The following POLR3A variants were observed in gnomAD, a reference collection of about 807,000 sequenced individuals.
POLR3A encodes the protein DNA-directed RNA polymerase III subunit RPC1.
POLR3A carries 112 observed loss-of-function variants against 152.8 expected under a neutral mutation model. The observed-to-expected ratio is 0.73, with a 90% CI of 0.63 to 0.86. The LOEUF (loss-of-function observed/expected upper bound fraction) is 0.86. Ranked by LOEUF, POLR3A falls within the 40% of genes least tolerant of loss-of-function variation. The pLI is 0.00. For synonymous variants in POLR3A, 615 were observed against 652.1 expected (o/e 0.94, Z 0.87); for missense variants, 1,385 against 1,743.1 (o/e 0.79, Z 3.66).
chr10:78,006,702 C>T (rs1042160476), intron 15 of POLR3A, among the ~76,000 whole-genome samples: 1 of 151,974 alleles, frequency 6.6e-6, no homozygotes, highest in Non-Finnish European at 1.5e-5. Flanking sequence ...CACACAGCTG[C>T]AGATTAAATG....
rs144892779 is a variant in POLR3A, at chr10:78,019,224, T to C, written c.1227A>G (p.Gln409=). Residue 409 remains glutamine (Q), a synonymous_variant, in exon 9 of 31, where the codon CAA becomes CAG. Transcript: ENST00000372371. ...ANINFLRKLV[Q]NGPEVHPGAN... The stretch of plus-strand genomic sequence containing the variant: ...CTCCTGGGTGAACCTCAGGGCCGTT[T>C]TGAACCAGTTTCCTCAAGAAATTGA... 1.9e-4 allele frequency: 312 copies of C among 1,614,094 alleles called. No homozygotes were observed. The African/African-American group carries it at 3.9e-3, about 20-fold the overall frequency.
At chr10:78,024,507 G>A (rs1190477345) in intron 5 of POLR3A, 42 bp downstream of exon 5, 1 of 1,606,356 alleles carries the variant, frequency 6.2e-7, no homozygotes, top group South Asian at 1.1e-5. Context: ...GAAGAGGCAG[G>A]CGGGAGGCAG....
chr10:77,985,154 A>G lies in POLR3A; in HGVS notation c.3242+16T>C. ...GACAGGCATGTGTGGAACAAGAAGGAAATGAAAGCAGGCACCTGATGGCCT... is the reference window on the plus strand; with the variant it reads ...GACAGGCATGTGTGGAACAAGAAGGGAATGAAAGCAGGCACCTGATGGCCT... On this transcript the variant is annotated intron_variant, in intron 24 of 30. Transcript: ENST00000372371. 6.2e-7 allele frequency: 1 copy of G among 1,607,808 alleles called. No homozygotes were observed. The highest frequency in any genetic ancestry group is 8.5e-7 in the Non-Finnish European group (1 of 1,174,186).
chr10:78,016,152 G>C (rs1056723290), intron 10 of POLR3A, among the ~76,000 whole-genome samples: 1 of 152,130 alleles, frequency 6.6e-6, no homozygotes. Flanking sequence ...AAAAGGAACT[G>C]CTGCTGTTGC....
rs150484386 is a variant in POLR3A, at chr10:77,982,771, C to T, written c.3476G>A (p.Arg1159His). The T allele has an allele frequency of 1.2e-4, 195 of 1,614,046 alleles. No homozygotes were observed. Among genetic ancestry groups the T allele is most frequent in the Admixed American group, 9.0e-4 (54 of 60,010 alleles). Residue 1159 changes from arginine to histidine, a missense_variant, in exon 27 of 31, where the codon CGT (arginine) becomes CAT (histidine). This residue lies in a region of POLR3A where 332 missense variants were observed against 400.1 expected (regional missense o/e 0.83). Transcript: ENST00000372371. ...VRYSICTSKL[R>H]VKPGDVAVHG... ...AACAGCCACATCACCGGGCTTCACA[C>T]GGAGCTTGGATGTGCAGATGGAATA... is the stretch of plus-strand genomic sequence containing the variant.
intron 21 of POLR3A, among the ~76,000 whole-genome samples, chr10:77,990,514 G>C (rs888340217): frequency 6.6e-6 from 1 of 151,974 alleles, no homozygotes; most frequent in Non-Finnish European, 1.5e-5. Flanking sequence ...TTCTAATAGG[G>C]AAATGGCTTG....
At chr10:78,016,410 T>TAAAAAAAAA (rs548574588) in intron 10 of POLR3A, among the ~76,000 whole-genome samples, 1 of 92,098 alleles carries the variant, frequency 1.1e-5, no homozygotes, top group Non-Finnish European at 2.2e-5. Context: ...CTCCACTTAT[T>TAAAAAAAAA]AAAAAAAAAA....
At chr10:78,005,758 C>T (rs1001637316) in intron 15 of POLR3A, among the ~76,000 whole-genome samples, 3 of 152,074 alleles carry the variant, frequency 2.0e-5, no homozygotes, top group African/African-American at 4.8e-5. Context: ...TCGCTCCCAG[C>T]GAAATGGAAT....
At position 77,999,554 on chromosome 10, in the gene POLR3A, C is replaced by T. The variant is rs112341794; in HGVS notation, c.2616+427G>A. 3.9e-5 allele frequency among the ~76,000 whole-genome samples: 6 copies of T among 152,220 alleles called. 1 individual carries two copies. The highest frequency in any genetic ancestry group is 1.4e-4 in the African/African-American group (6 of 41,536). On this transcript the variant is annotated intron_variant, in intron 19 of 30. Transcript: ENST00000372371. ...ATGCTTTCCTTCTAAGCATCCAAGC[C>T]CCGCAGCAAGCACTGGAATAGGTCA...
Position 77,977,334 on chromosome 10 carries a change from C to G in POLR3A, c.*144G>C, listed in dbSNP as rs1847098529. 1.2e-6 allele frequency: 1 copy of G among 829,020 alleles called. No homozygotes were observed. The highest frequency in any genetic ancestry group is 1.7e-5 in the African/African-American group (1 of 59,676). 51.4% of individuals were successfully genotyped at this position (829,020 alleles called of 1,614,324 possible). A position where few individuals can be genotyped will look rare whatever the true frequency, so the allele number is the denominator to read the frequency against. On this transcript the variant is annotated 3_prime_UTR_variant, in exon 31 of 31. Coordinates refer to ENST00000372371, the MANE Select transcript of POLR3A (RefSeq NM_007055.4). Reference sequence around the variant, plus strand: ...CACCCTATCAGAGGAGAAGCTGCTCCTGGGGATGCCAAGAGGGCTTCTCTG... The same window carrying G: ...CACCCTATCAGAGGAGAAGCTGCTCGTGGGGATGCCAAGAGGGCTTCTCTG...
Position 78,001,106 on chromosome 10 carries a change from G to A in POLR3A, c.2360-12C>T, listed in dbSNP as rs776793649. On this transcript the variant is annotated splice_polypyrimidine_tract_variant and intron_variant, in intron 17 of 30. Coordinates refer to ENST00000372371, the MANE Select transcript of POLR3A (RefSeq NM_007055.4). ...GTTAATGAAGGAACCTGGGGACATGGACCAGAAATGTAACATTCATTTACC... is the reference window on the plus strand; with the variant it reads ...GTTAATGAAGGAACCTGGGGACATGAACCAGAAATGTAACATTCATTTACC... The A allele has an allele frequency of 5.1e-6, 7 of 1,365,126 alleles. No individual in the cohort carries two copies. Among genetic ancestry groups the A allele is most frequent in the Non-Finnish European group, 7.3e-6 (7 of 954,222 alleles). 84.6% of individuals were successfully genotyped at this position (1,365,126 alleles called of 1,614,324 possible). A position where few individuals can be genotyped will look rare whatever the true frequency, so the allele number is the denominator to read the frequency against.
chr10:78,029,360 T>C lies in POLR3A; in HGVS notation c.44+4A>G, dbSNP rs1316497413. The C allele has an allele frequency of 2.5e-6, 4 of 1,613,984 alleles. No homozygotes were observed. The highest frequency in any genetic ancestry group is 3.4e-6 in the Non-Finnish European group (4 of 1,180,024). ...GCCCTTTGGCCACTCTTACTCCGTC[T>C]TACATTTTCTTGGCCACATCCGTCT... On this transcript the variant is annotated splice_donor_region_variant and intron_variant, in intron 1 of 30. Transcript: ENST00000372371.
intron 5 of POLR3A, among the ~76,000 whole-genome samples, chr10:78,023,472 G>T (rs1200687301): frequency 6.7e-6 from 1 of 149,896 alleles, no homozygotes; most frequent in East Asian, 2.0e-4. Flanking sequence ...AAAAAAAAGT[G>T]TTACTGTTAA....
Position 78,009,520 on chromosome 10 carries a change from G to A in POLR3A, c.1909+17C>T, listed in dbSNP as rs1415129880. 5 of 1,613,980 alleles carry A rather than the reference G, an allele frequency of 3.1e-6. No homozygotes were observed. The African/African-American group carries it at 5.3e-5, about 17-fold the overall frequency. ...GTCACGTTCCTCCTTCTCCCCACCC[G>A]AGTTCCGTCCACTCACAGGAATCAT... On this transcript the variant is annotated intron_variant, in intron 14 of 30. Transcript: ENST00000372371.
chr10:78,001,764 T>C (rs1847359367), intron 17 of POLR3A, among the ~76,000 whole-genome samples: 1 of 152,166 alleles, frequency 6.6e-6, no homozygotes, highest in African/African-American at 2.4e-5. Flanking sequence ...GCCTCCTGAT[T>C]AGCTGGGACG....
intron 20 of POLR3A, among the ~76,000 whole-genome samples, chr10:77,992,483 G>A (rs1341732392): frequency 1.7e-5 from 2 of 117,478 alleles, no homozygotes; most frequent in Non-Finnish European, 3.3e-5. Flanking sequence ...TCGCTCTGTT[G>A]CCAGGTTGGA....
In POLR3A at chr10:78,022,214, A is replaced by C; in HGVS notation, c.816T>G (p.Ser272=). The part of the protein sequence containing the change: ...IRPSVVSDLK[S]GTNEDDLTMK... ...TTGTCAGATCATCTTCATTGGTGCC[A>C]GACTTCAAATCACTCACAACGGAGG... Residue 272 remains serine, a synonymous_variant, in exon 6 of 31, where the codon TCT becomes TCG. Transcript: ENST00000372371. 6.2e-7 allele frequency: 1 copy of C among 1,614,214 alleles called. No individual in the cohort carries two copies. The highest frequency in any genetic ancestry group is 8.5e-7 in the Non-Finnish European group (1 of 1,180,026).
intron 3 of POLR3A, 136 bp from the exon 4 acceptor site, chr10:78,025,278 T>C (rs1382994670): frequency 8.8e-6 from 8 of 906,380 alleles, no homozygotes; most frequent in Admixed American, 6.1e-5. Context: ...CTCTATACTA[T>C]GGATATGCAG....
intron 7 of POLR3A, 85 bp from the exon 8 acceptor site, chr10:78,021,767 C>T: frequency 6.2e-7 from 1 of 1,609,136 alleles, no homozygotes; most frequent in Non-Finnish European, 8.5e-7. Flanking sequence ...TGAGGAAAGC[C>T]TGTGACCTCC....
Sources: gnomAD v4.1 joint callset for allele counts (sites outside exome capture counted in the v4.1 genomes callset) on GRCh38, gnomAD v4.1.1 for gene constraint, gnomAD v4.1.1 regional missense constraint, MANE v1.5 for transcripts, NCBI Gene and HGNC (gene_info 2026-07-23, HGNC 2026-07-21) for gene names.